CCSER1: variants seen among roughly 807,000 people sequenced by gnomAD.
The protein encoded by CCSER1 is serine-rich coiled-coil domain-containing protein 1.
In CCSER1, 41 loss-of-function variants were observed where a neutral mutation model predicts 82.0. The ratio of observed to expected loss-of-function variants is 0.50; its 90% CI spans 0.39 to 0.65. The LOEUF is 0.65. Among genes scored for constraint, CCSER1 ranks in the 30% least tolerant of loss-of-function variants. The pLI is 0.00. For synonymous variants in CCSER1, 414 were observed against 383.9 expected (o/e 1.08, Z -0.92); for missense variants, 1,119 against 1,064.2 (o/e 1.05, Z -0.72).
chr4:90,132,365 T>C (rs977551331), intron 1 of CCSER1, among the ~76,000 whole-genome samples: 27 of 152,300 alleles, frequency 1.8e-4, no homozygotes, highest in African/African-American at 6.5e-4. Flanking sequence ...TACATACACT[T>C]CTATCAGCAA....
At chr4:91,578,531 C>A (rs1763564195) in intron 10 of CCSER1, among the ~76,000 whole-genome samples, 1 of 151,780 alleles carries the variant, frequency 6.6e-6, no homozygotes, top group Non-Finnish European at 1.5e-5. Flanking sequence ...AATACTTAGA[C>A]CTGTTGAAAT....
chr4:90,787,984 G>C (rs983114451), intron 7 of CCSER1, among the ~76,000 whole-genome samples: 3 of 152,134 alleles, frequency 2.0e-5, no homozygotes, highest in Admixed American at 2.0e-4. Context: ...TAAGTAGGCA[G>C]CTGCTTATGA....
At chr4:90,787,060 G>A (rs1419011466) in intron 7 of CCSER1, among the ~76,000 whole-genome samples, 1 of 152,184 alleles carries the variant, frequency 6.6e-6, no homozygotes, top group Admixed American at 6.5e-5. Flanking sequence ...TATGGGGGAA[G>A]GGACACAGAG....
rs543935542 is a variant in CCSER1, at chr4:90,446,768, C to G, written c.1604-21466C>G. ...GGAATGTGCCTTCCTTTCCTGCTTC[C>G]CCTTCCACCTTATCCACCTTATCCA... On this transcript the variant is annotated intron_variant, in intron 4 of 10. Coordinates refer to ENST00000509176, the MANE Select transcript of CCSER1 (RefSeq NM_001145065.2). 1.1e-4 allele frequency among the ~76,000 whole-genome samples: 16 copies of G among 152,200 alleles called. No individual in the cohort carries two copies. In the South Asian group the frequency reaches 2.5e-3, roughly 24 times the overall value.
At chr4:90,645,234 A>G (rs1727344439) in intron 6 of CCSER1, among the ~76,000 whole-genome samples, 1 of 152,220 alleles carries the variant, frequency 6.6e-6, no homozygotes, top group African/African-American at 2.4e-5. Context: ...AATTATAAGC[A>G]TGTCCAAATA....
At chr4:91,523,189 T>C (rs1422697334) in intron 10 of CCSER1, among the ~76,000 whole-genome samples, 1 of 152,204 alleles carries the variant, frequency 6.6e-6, no homozygotes, top group Non-Finnish European at 1.5e-5. Flanking sequence ...TTGATTTGCA[T>C]ATGTTGAACC....
intron 10 of CCSER1, among the ~76,000 whole-genome samples, chr4:91,316,020 T>C (rs1745805053): frequency 6.6e-6 from 1 of 152,012 alleles, no homozygotes; most frequent in South Asian, 2.1e-4. Flanking sequence ...CTCATGATAA[T>C]GAATAAGTCT....
chr4:91,296,467 G>GTA (rs1179567431), intron 10 of CCSER1, among the ~76,000 whole-genome samples: 8 of 62,380 alleles, frequency 1.3e-4, no homozygotes, highest in South Asian at 5.3e-4. Flanking sequence ...ATATATATAT[G>GTA]TATATATATA....
chr4:91,177,288 G>T (rs1733492866), intron 10 of CCSER1, among the ~76,000 whole-genome samples: 1 of 152,112 alleles, frequency 6.6e-6, no homozygotes, highest in Non-Finnish European at 1.5e-5. Flanking sequence ...CTCTTTTTCT[G>T]CTGTGTCTCT....
chr4:91,093,950 G>C (rs376104249), intron 10 of CCSER1, among the ~76,000 whole-genome samples: 3 of 152,138 alleles, frequency 2.0e-5, no homozygotes, highest in African/African-American at 7.2e-5. Flanking sequence ...TTTAGGTTTC[G>C]GTAAGCTGCA....
At chr4:90,887,309 C>G (rs1722274940) in intron 8 of CCSER1, among the ~76,000 whole-genome samples, 1 of 152,014 alleles carries the variant, frequency 6.6e-6, no homozygotes, top group Non-Finnish European at 1.5e-5. Flanking sequence ...GATGCTGTAT[C>G]TTTTTTATTT....
At chr4:91,514,180 A>T (rs535852452) in intron 10 of CCSER1, among the ~76,000 whole-genome samples, 3 of 152,194 alleles carry the variant, frequency 2.0e-5, no homozygotes, top group South Asian at 2.1e-4. Context: ...ATTTCAAATA[A>T]TTTTTTTATT....
intron 1 of CCSER1, among the ~76,000 whole-genome samples, chr4:90,259,006 A>T (rs1286056418): frequency 6.6e-6 from 1 of 152,042 alleles, no homozygotes; most frequent in Admixed American, 6.5e-5. Flanking sequence ...TGTTTTTTCT[A>T]GTTCTGTGAG....
chr4:90,625,996 A>C (rs1229395461), intron 5 of CCSER1, among the ~76,000 whole-genome samples: 1 of 152,156 alleles, frequency 6.6e-6, no homozygotes, highest in Non-Finnish European at 1.5e-5. Context: ...ATGGGTGTTT[A>C]GATCCATGAC....
At chr4:90,416,967 A>G (rs1432973052) in intron 4 of CCSER1, among the ~76,000 whole-genome samples, 1 of 152,210 alleles carries the variant, frequency 6.6e-6, no homozygotes, top group Non-Finnish European at 1.5e-5. Context: ...CAAACACCAC[A>G]TGTTCTCACT....
chr4:90,653,437 T>G (rs993748692), intron 6 of CCSER1, among the ~76,000 whole-genome samples: 2 of 151,662 alleles, frequency 1.3e-5, no homozygotes, highest in Non-Finnish European at 2.9e-5. Flanking sequence ...GAAATACAAA[T>G]TGAAAAAAAA....
At chr4:91,247,168 G>A (rs919496454) in intron 10 of CCSER1, among the ~76,000 whole-genome samples, 2 of 152,002 alleles carry the variant, frequency 1.3e-5, no homozygotes, top group Non-Finnish European at 2.9e-5. Flanking sequence ...CGGGTGTGGT[G>A]GTGGGCGCCT....
Position 90,190,014 on chromosome 4 carries a change from A to G in CCSER1, c.-42+62183A>G, listed in dbSNP as rs536139530. 4.6e-5 allele frequency among the ~76,000 whole-genome samples: 7 copies of G among 152,144 alleles called. No individual in the cohort carries two copies. In the East Asian group the frequency reaches 1.2e-3, roughly 25 times the overall value. On this transcript the variant is annotated intron_variant, in intron 1 of 10. Transcript: ENST00000509176. ...CTTGCATTTTGTTATTGTTTGTGGA[A>G]CAATAAAAGGTTTTCTGGCATAGTC...
At chr4:91,179,007 A>G (rs1315458569) in intron 10 of CCSER1, among the ~76,000 whole-genome samples, 2 of 152,124 alleles carry the variant, frequency 1.3e-5, no homozygotes, top group Non-Finnish European at 2.9e-5. Context: ...TGGTGACAAA[A>G]TCTCTCAGCA....
Sources: allele counts gnomAD v4.1 joint callset (sites outside exome capture counted in the v4.1 genomes callset), GRCh38; gene constraint gnomAD v4.1.1; transcripts MANE v1.5; gene names NCBI Gene and HGNC (gene_info 2026-07-23, HGNC 2026-07-21).